DPP6: variants seen among roughly 807,000 people sequenced by gnomAD.
The protein encoded by DPP6 is A-type potassium channel modulatory protein DPP6.
Under a neutral mutation model 122.6 loss-of-function variants are expected in DPP6, and 69 were observed. The observed-to-expected ratio is 0.56, with a 90% CI of 0.46 to 0.69. DPP6 has a LOEUF of 0.69. Among genes scored for constraint, DPP6 ranks in the 30% least tolerant of loss-of-function variants. The pLI is 0.00. For missense variants in DPP6, 928 were observed against 1,116.9 expected (o/e 0.83, Z 2.41); for synonymous variants, 418 against 433.1 (o/e 0.97, Z 0.43).
At position 154,703,640 on chromosome 7, in the gene DPP6, A is replaced by C. The variant is rs12112547; in HGVS notation, c.763-24127A>C. Among the ~76,000 whole-genome samples the C allele has an allele frequency of 2.0e-3, 301 of 151,082 alleles. 2 individuals carry two copies. Among genetic ancestry groups the C allele is most frequent in the African/African-American group, 6.9e-3 (284 of 41,296 alleles). ...TCTCAAAAAAAAAAAAAAAAAGAAA[A>C]GAAATACATTTCATAGGCTGGGCAT... On this transcript the variant is annotated intron_variant, in intron 7 of 25. Transcript: ENST00000377770.
intron 1 of DPP6, among the ~76,000 whole-genome samples, chr7:153,958,274 G>A (rs551465553): frequency 2.0e-4 from 31 of 152,288 alleles, no homozygotes; most frequent in Middle Eastern, 3.4e-3. Context: ...CGCAGGGCTG[G>A]GGGAGTGCAC....
intron 1 of DPP6, among the ~76,000 whole-genome samples, chr7:154,185,815 G>T (rs1408774623): frequency 6.6e-6 from 1 of 152,180 alleles, no homozygotes; most frequent in Non-Finnish European, 1.5e-5. Flanking sequence ...GAGATAATAT[G>T]AGTATGCTAG....
intron 17 of DPP6, among the ~76,000 whole-genome samples, chr7:154,861,581 G>A (rs117514107): frequency 5.3e-5 from 8 of 151,970 alleles, no homozygotes; most frequent in African/African-American, 1.5e-4. Context: ...TTTAACTTCC[G>A]GTGACCATAA....
At chr7:154,620,666 T>C (rs1196660399) in intron 5 of DPP6, among the ~76,000 whole-genome samples, 1 of 152,234 alleles carries the variant, frequency 6.6e-6, no homozygotes, top group Non-Finnish European at 1.5e-5. Flanking sequence ...TGTGGAGTCC[T>C]CTCTATAGCA....
chr7:154,311,654 C>T (rs1806900646), intron 1 of DPP6, among the ~76,000 whole-genome samples: 1 of 152,186 alleles, frequency 6.6e-6, no homozygotes, highest in African/African-American at 2.4e-5. Flanking sequence ...GGTCTCAACA[C>T]ACACAGCCCA....
chr7:154,024,214 C>A (rs1798863337), intron 1 of DPP6, among the ~76,000 whole-genome samples: 1 of 152,188 alleles, frequency 6.6e-6, no homozygotes, highest in Non-Finnish European at 1.5e-5. Context: ...AGCTATCGAT[C>A]CACAAATAGT....
intron 3 of DPP6, among the ~76,000 whole-genome samples, chr7:154,527,915 A>G (rs1416782306): frequency 1.2e-4 from 18 of 152,176 alleles, no homozygotes; most frequent in Non-Finnish European, 2.2e-4. Flanking sequence ...CTATGATACT[A>G]TGAGTAAATA....
At chr7:154,174,995 T>C (rs1018046690) in intron 1 of DPP6, among the ~76,000 whole-genome samples, 3 of 151,796 alleles carry the variant, frequency 2.0e-5, no homozygotes, top group African/African-American at 7.3e-5. Flanking sequence ...TGCCTCAGCC[T>C]CCCGAGTAGC....
At chr7:154,669,214 C>G in intron 6 of DPP6, 146 bp from the exon 7 acceptor site, 1 of 1,222,876 alleles carries the variant, frequency 8.2e-7, no homozygotes, top group Non-Finnish European at 1.1e-6. Context: ...AGACATATTA[C>G]TTAGTAACAC....
Position 154,360,462 on chromosome 7 carries a change from C to A in DPP6, c.244-85752C>A, listed in dbSNP as rs560655105. Among the ~76,000 whole-genome samples the A allele has an allele frequency of 2.6e-5, 4 of 152,294 alleles. No individual in the cohort carries two copies. The East Asian group carries it at 7.7e-4, about 29-fold the overall frequency. On this transcript the variant is annotated intron_variant, in intron 1 of 25. Coordinates refer to ENST00000377770, the MANE Select transcript of DPP6 (RefSeq NM_130797.4). The stretch of plus-strand genomic sequence containing the variant: ...TGACCTCAAACCCGTACAAGATGAT[C>A]GTTCCAGACAGAGAAATTCTCAGGA...
chr7:154,510,877 C>T (rs553914287), intron 3 of DPP6, among the ~76,000 whole-genome samples: 1 of 151,956 alleles, frequency 6.6e-6, no homozygotes, highest in African/African-American at 2.4e-5. Flanking sequence ...TGCTCTTGCT[C>T]TCACTCTCGT....
intron 8 of DPP6, among the ~76,000 whole-genome samples, chr7:154,739,536 T>TC (rs1842721982): frequency 6.6e-6 from 1 of 151,958 alleles, no homozygotes; most frequent in Admixed American, 6.6e-5. Context: ...AAATGCCATG[T>TC]CCCCCATGGA....
chr7:154,770,499 G>T (rs370061578), intron 9 of DPP6, among the ~76,000 whole-genome samples: 1 of 152,158 alleles, frequency 6.6e-6, no homozygotes, highest in African/African-American at 2.4e-5. Context: ...ACCCCTCTCT[G>T]ATTCCACCAT....
intron 1 of DPP6, among the ~76,000 whole-genome samples, chr7:154,227,024 G>A (rs561214170): frequency 3.0e-4 from 45 of 151,196 alleles, no homozygotes; most frequent in Admixed American, 6.6e-4. Flanking sequence ...ACAGAGTTCC[G>A]TCAAAAAATC....
intron 4 of DPP6, among the ~76,000 whole-genome samples, chr7:154,547,110 C>T (rs1166722034): frequency 6.6e-6 from 1 of 152,170 alleles, no homozygotes; most frequent in East Asian, 1.9e-4. Context: ...CAGGCTGGCC[C>T]CCGGGAAGTG....
chr7:154,319,015 G>A (rs1807684451), intron 1 of DPP6, among the ~76,000 whole-genome samples: 1 of 152,188 alleles, frequency 6.6e-6, no homozygotes, highest in Admixed American at 6.5e-5. Context: ...GGGGCAGTGT[G>A]ATGATCTTTA....
rs181463937 is a variant in DPP6, at chr7:154,012,885, G to T, written c.51+125151G>T. On this transcript the variant is annotated intron_variant, in intron 1 of 25. Transcript: ENST00000404039. ...TGTTTAAAATTCCTTTGAAGAGTTT[G>T]TGTTTTCTTCTGGAGGCAGTTTACT... 1.3e-3 allele frequency among the ~76,000 whole-genome samples: 194 copies of T among 152,314 alleles called. 2 individuals are homozygous for T. Among genetic ancestry groups the T allele is most frequent in the Admixed American group, 0.013 (194 of 15,308 alleles).
At chr7:154,365,957 C>CA (rs35516153) in intron 1 of DPP6, among the ~76,000 whole-genome samples, 15,766 of 75,494 alleles carry the variant, frequency 0.21, 1,363 homozygotes, top group East Asian at 0.3. Context: ...GACTCCGTCT[C>CA]AAAAAAAAAA....
chr7:154,296,420 G>C (rs1235763496), intron 1 of DPP6, among the ~76,000 whole-genome samples: 1 of 152,154 alleles, frequency 6.6e-6, no homozygotes, highest in Non-Finnish European at 1.5e-5. Flanking sequence ...GTGAGACAGT[G>C]AGAGAAGATT....
Sources: gnomAD v4.1 joint callset for allele counts (sites outside exome capture counted in the v4.1 genomes callset) on GRCh38, gnomAD v4.1.1 for gene constraint, MANE v1.5 for transcripts, NCBI Gene and HGNC (gene_info 2026-07-23, HGNC 2026-07-21) for gene names.